The following BRD1 variants were observed in gnomAD, a reference collection of about 807,000 sequenced individuals.
The protein encoded by BRD1 is bromodomain-containing protein 1.
BRD1 carries 24 observed loss-of-function variants against 107.7 expected under a neutral mutation model. The observed-to-expected ratio is 0.22, with a 90% confidence interval of 0.16 to 0.31. The LOEUF is 0.31. Ranked by LOEUF, BRD1 falls within the 10% of genes least tolerant of loss-of-function variation. The probability of loss-of-function intolerance (pLI) is 1.00; values close to 1 mark genes in which losing one functional copy is unlikely to be tolerated. For synonymous variants in BRD1, 744 were observed against 686.1 expected (o/e 1.08, Z -1.32); for missense variants, 1,279 against 1,638.6 (o/e 0.78, Z 3.79).
chr22:49,777,502 G>C (rs1410566726), intron 9 of BRD1, among the ~76,000 whole-genome samples, 176 bp downstream of exon 9: 1 of 152,216 alleles, frequency 6.6e-6, no homozygotes, highest in Non-Finnish European at 1.5e-5. Flanking sequence ...CTATAAAGCA[G>C]ATTAATATGC....
chr22:49,827,207 C>A (rs2060155991), intron 1 of BRD1, among the ~76,000 whole-genome samples: 1 of 151,152 alleles, frequency 6.6e-6, no homozygotes, highest in Admixed American at 6.6e-5. Flanking sequence ...CAGCCCGACT[C>A]GGCCTCCCTC....
chr22:49,827,360 AGCC>A lies in BRD1; in HGVS notation c.-15+134_-15+136del, dbSNP rs1270219044. The stretch of plus-strand genomic sequence containing the variant: ...GGCTCCCGGCCCGCAGACAATGCGG[AGCC>A]GCCGCCGCCGCCGCCGCCGCCAAAC... On this transcript the variant is annotated intron_variant, in intron 1 of 12. Coordinates refer to ENST00000404760, the MANE Select transcript of BRD1 (RefSeq NM_001304808.3). The A allele has an allele frequency of 1.0e-2, 1,506 of 151,348 alleles. 21 individuals are homozygous for A. The highest frequency in any genetic ancestry group is 0.031 in the African/African-American group (1,226 of 39,186). The allele number at this position is 151,348 out of a possible 1,614,324, so 9.4% of individuals were successfully genotyped here.
intron 2 of BRD1, among the ~76,000 whole-genome samples, chr22:49,820,472 G>C (rs916996412): frequency 6.6e-6 from 1 of 152,268 alleles, no homozygotes. Flanking sequence ...ACAGTGGCTC[G>C]TGCCTGTATT....
intron 4 of BRD1, 138 bp from the exon 5 acceptor site, chr22:49,798,824 G>T: frequency 7.0e-7 from 1 of 1,435,014 alleles, no homozygotes. Flanking sequence ...CCTCCACTTA[G>T]GGCTCTGCAA....
chr22:49,825,769 G>A (rs1380109072), intron 1 of BRD1: 3 of 152,292 alleles, frequency 2.0e-5, no homozygotes, highest in Admixed American at 6.5e-5. Context: ...TCAGGGAGCA[G>A]GCTTCCCTCT....
At chr22:49,802,775 C>T (rs1341472790) in intron 3 of BRD1, among the ~76,000 whole-genome samples, 1 of 152,256 alleles carries the variant, frequency 6.6e-6, no homozygotes, top group African/African-American at 2.4e-5. Context: ...TAAGAGCCCC[C>T]CAAACCGTGC....
At chr22:49,826,144 T>C (rs1601760788) in intron 1 of BRD1, 1 of 983,408 alleles carries the variant, frequency 1.0e-6, no homozygotes, top group South Asian at 4.7e-5. Context: ...AACAGTTGGT[T>C]ACTCACCAGA....
intron 2 of BRD1, among the ~76,000 whole-genome samples, chr22:49,814,575 G>C (rs1386302856): frequency 1.3e-5 from 2 of 152,226 alleles, no homozygotes; most frequent in Non-Finnish European, 2.9e-5. Context: ...CGCAGCCCCA[G>C]CAACAGGCAA....
rs754617723 is a variant in BRD1, at chr22:49,774,227, G to A, written c.*6C>T. 302 of 1,610,764 alleles carry A rather than the reference G, an allele frequency of 1.9e-4. 5 individuals carry two copies. The South Asian group carries it at 2.8e-3, about 15-fold the overall frequency. Reference sequence around the variant, plus strand: ...ATGGACAAGACCCGCGCTGGCGGCCGGGCCGTCAGTCAATGTCACTGAGGT... The same window carrying A: ...ATGGACAAGACCCGCGCTGGCGGCCAGGCCGTCAGTCAATGTCACTGAGGT... On this transcript the variant is annotated 3_prime_UTR_variant, in exon 13 of 13. Coordinates refer to ENST00000404760, the MANE Select transcript of BRD1 (RefSeq NM_001304808.3).
chr22:49,787,075 C>G (rs2059339809), intron 8 of BRD1, among the ~76,000 whole-genome samples: 1 of 151,456 alleles, frequency 6.6e-6, no homozygotes, highest in Admixed American at 6.6e-5. Context: ...AAGCAAGACT[C>G]TCTTAAAAAA....
At chr22:49,822,878 C>A (rs1484506174) in intron 2 of BRD1, 73 bp downstream of exon 2, 2 of 1,542,022 alleles carry the variant, frequency 1.3e-6, no homozygotes, top group Non-Finnish European at 1.8e-6. Flanking sequence ...ACGGGCCCTG[C>A]AGGCTGTGCC....
At chr22:49,775,176 G>A in intron 12 of BRD1, 1 of 155,828 alleles carries the variant, frequency 6.4e-6, no homozygotes, top group East Asian at 1.9e-4. Context: ...AGCAGAGCTG[G>A]ATGATGCTGG....
Position 49,798,566 on chromosome 22 carries a change from G to C in BRD1, c.1777C>G (p.Leu593Val). The C allele has an allele frequency of 5.0e-6, 8 of 1,614,218 alleles. No homozygotes were observed. Among genetic ancestry groups the C allele is most frequent in the Non-Finnish European group, 6.8e-6 (8 of 1,180,048 alleles). ...GCGCCGCAAACACCCACCTCCTTCA[G>C]ACTCACGGGCTGCGCAAATATCCTG... The part of the protein sequence containing the change: ...PARIFAQPVS[L>V]KEVPDYLDHI... The change falls in exon 5 of 13, where the codon CTG (leucine) becomes GTG (valine). Residue 593 changes from leucine (L) to valine (V), a missense_variant. Physicochemically the swap from Leu to Val is conservative, Grantham distance 32. Transcript: ENST00000404760.
chr22:49,798,929 C>T (rs761734989), intron 4 of BRD1, 59 bp downstream of exon 4: 69 of 1,535,946 alleles, frequency 4.5e-5, no homozygotes, highest in Non-Finnish European at 5.8e-5. Context: ...GAGCTGCCAG[C>T]GTCCCACCCA....
At chr22:49,784,732 C>T (rs2059288934) in intron 8 of BRD1, among the ~76,000 whole-genome samples, 1 of 152,238 alleles carries the variant, frequency 6.6e-6, no homozygotes, top group Non-Finnish European at 1.5e-5. Flanking sequence ...GCAAGAAATC[C>T]CCCATGTGCA....
In BRD1 at chr22:49,823,331, G is replaced by A. The variant is rs1384279505; in HGVS notation, c.987C>T (p.Leu329=). ...AGGCACCCACGCCCTTCTGCTTACA[G>A]AGGTAGCATGTCAGTTTCCACCGGG... is the stretch of plus-strand genomic sequence containing the variant. The part of the protein sequence containing the change: ...PPARWKLTCY[L]CKQKGVGACI... Residue 329 remains leucine, a synonymous_variant, in exon 2 of 13, where the codon CTC becomes CTT. Coordinates refer to ENST00000404760, the MANE Select transcript of BRD1 (RefSeq NM_001304808.3). 2 of 1,614,216 alleles carry A rather than the reference G, an allele frequency of 1.2e-6. No homozygotes were observed. Among genetic ancestry groups the A allele is most frequent in the South Asian group, 1.1e-5 (1 of 91,086 alleles).
At chr22:49,785,300 C>T (rs1601625463) in intron 8 of BRD1, among the ~76,000 whole-genome samples, 2 of 152,248 alleles carry the variant, frequency 1.3e-5, no homozygotes, top group Non-Finnish European at 2.9e-5. Context: ...TGAGTGTCGA[C>T]GGGAGGCCGC....
chr22:49,816,868 G>A (rs557957645), intron 2 of BRD1, among the ~76,000 whole-genome samples: 12 of 152,344 alleles, frequency 7.9e-5, no homozygotes, highest in Admixed American at 2.0e-4. Context: ...TCTGGACTGC[G>A]GGGGCCAAGG....
rs1216365619 is a variant in BRD1, at chr22:49,823,692, G to A, written c.626C>T (p.Ser209Phe). 1.2e-6 allele frequency: 2 copies of A among 1,613,682 alleles called. No individual in the cohort carries two copies. Among genetic ancestry groups the A allele is most frequent in the Non-Finnish European group, 1.7e-6 (2 of 1,179,952 alleles). ...CENQKQGEQQ[S>F]LIDEDAVCCI... ...GCACACGGCGTCCTCGTCGATCAGA[G>A]ACTGCTGCTCGCCCTGCTTCTGGTT... The change falls in exon 2 of 13, where the codon TCT becomes TTT. Residue 209 changes from serine to phenylalanine, a missense_variant. Physicochemically the swap from Ser to Phe is radical, Grantham distance 155. Coordinates refer to ENST00000404760, the MANE Select transcript of BRD1 (RefSeq NM_001304808.3).
Sources: gnomAD v4.1 joint callset for allele counts (sites outside exome capture counted in the v4.1 genomes callset) on GRCh38, gnomAD v4.1.1 for gene constraint, MANE v1.5 for transcripts, NCBI Gene and HGNC (gene_info 2026-07-23, HGNC 2026-07-21) for gene names.